Variants in NPAS3 observed in about 807,000 individuals in gnomAD.
The protein encoded by NPAS3 is neuronal PAS domain protein 3.
Under a neutral mutation model 73.1 loss-of-function variants are expected in NPAS3, and 14 were observed. The observed-to-expected ratio is 0.19, with a 90% confidence interval of 0.13 to 0.30. The LOEUF (loss-of-function observed/expected upper bound fraction) is 0.30, where lower values mean the gene tolerates loss of function less well. NPAS3 is among the 10% of genes least tolerant of loss of function. NPAS3 has a pLI of 1.00. For missense variants in NPAS3, 1,096 were observed against 1,250.0 expected (o/e 0.88, Z 1.86); for synonymous variants, 620 against 541.5 (o/e 1.14, Z -2.01).
intron 3 of NPAS3, among the ~76,000 whole-genome samples, chr14:33,276,300 A>G (rs1402779304): frequency 2.0e-5 from 3 of 152,138 alleles, no homozygotes; most frequent in African/African-American, 7.2e-5. Context: ...ACACAGTAAT[A>G]AGAAGGAAGA....
intron 4 of NPAS3, among the ~76,000 whole-genome samples, chr14:33,488,557 G>A (rs528883183): frequency 1.3e-5 from 2 of 152,240 alleles, no homozygotes; most frequent in Admixed American, 6.5e-5. Flanking sequence ...TTTCTTTTCT[G>A]TTAGAATACA....
intron 1 of NPAS3, among the ~76,000 whole-genome samples, chr14:32,965,951 C>T (rs1456118478): frequency 2.0e-5 from 3 of 151,798 alleles, no homozygotes; most frequent in African/African-American, 4.8e-5. Flanking sequence ...AAATCAATCA[C>T]GTTTACAATA....
chr14:33,598,583 C>G (rs144941385), intron 5 of NPAS3, among the ~76,000 whole-genome samples: 18 of 152,306 alleles, frequency 1.2e-4, no homozygotes, highest in African/African-American at 4.3e-4. Flanking sequence ...TCCAAAATTA[C>G]AAACTTGCAT....
At chr14:33,626,259 A>C (rs28520984) in intron 5 of NPAS3, among the ~76,000 whole-genome samples, 6,022 of 152,266 alleles carry the variant, frequency 0.04, 356 homozygotes, top group African/African-American at 0.13. Flanking sequence ...TATTTGCATA[A>C]AATTTACCTT....
intron 2 of NPAS3, among the ~76,000 whole-genome samples, chr14:33,161,796 G>T (rs2044898866): frequency 6.6e-6 from 1 of 152,210 alleles, no homozygotes; most frequent in African/African-American, 2.4e-5. Flanking sequence ...TATTACAAAT[G>T]TTCATAAGTA....
intron 5 of NPAS3, among the ~76,000 whole-genome samples, chr14:33,563,454 G>C (rs1365908677): frequency 1.3e-5 from 2 of 151,538 alleles, no homozygotes; most frequent in African/African-American, 4.9e-5. Context: ...ATGGGAATGA[G>C]TGAATGATGA....
chr14:33,147,182 TATAAAGA>T (rs1359408606), intron 2 of NPAS3, among the ~76,000 whole-genome samples: 2 of 152,192 alleles, frequency 1.3e-5, no homozygotes, highest in Non-Finnish European at 2.9e-5. Flanking sequence ...TTCCACATCC[TATAAAGA>T]ATAAAGAAGC....
At chr14:33,219,630 T>A (rs2047349587) in intron 3 of NPAS3, among the ~76,000 whole-genome samples, 1 of 152,178 alleles carries the variant, frequency 6.6e-6, no homozygotes, top group Admixed American at 6.5e-5. Flanking sequence ...AAGTAGGAGA[T>A]GTTTCTGAGA....
At chr14:33,011,790 C>G (rs150333644) in intron 1 of NPAS3, among the ~76,000 whole-genome samples, 288 of 152,178 alleles carry the variant, frequency 1.9e-3, no homozygotes, top group African/African-American at 6.7e-3. Context: ...GCCTTTTTCT[C>G]CACTTTGGTG....
chr14:33,130,649 G>A (rs1310183298), intron 2 of NPAS3, among the ~76,000 whole-genome samples: 2 of 152,112 alleles, frequency 1.3e-5, no homozygotes, highest in Non-Finnish European at 2.9e-5. Context: ...GTGAATGGGG[G>A]AAATGCAATT....
intron 4 of NPAS3, among the ~76,000 whole-genome samples, chr14:33,501,488 TCACAACAATAATA>T (rs1234898172): frequency 1.3e-5 from 2 of 151,922 alleles, no homozygotes; most frequent in African/African-American, 4.8e-5. Flanking sequence ...CCACTCTCCT[TCACAACAATAATA>T]CACAACAAAG....
intron 4 of NPAS3, among the ~76,000 whole-genome samples, chr14:33,486,884 T>C (rs1404239106): frequency 6.6e-6 from 1 of 152,216 alleles, no homozygotes; most frequent in African/African-American, 2.4e-5. Context: ...ATCACTTTCC[T>C]GATCCTGTTC....
intron 4 of NPAS3, among the ~76,000 whole-genome samples, chr14:33,422,739 C>T (rs775567307): frequency 6.6e-6 from 1 of 151,834 alleles, no homozygotes; most frequent in Non-Finnish European, 1.5e-5. Flanking sequence ...TATGTTTCTA[C>T]TGTTATCTAA....
chr14:33,113,122 T>G (rs919886964), intron 2 of NPAS3, among the ~76,000 whole-genome samples: 1 of 152,188 alleles, frequency 6.6e-6, no homozygotes, highest in African/African-American at 2.4e-5. Context: ...CTTTGTTCTT[T>G]TGGCTTAGGA....
rs558070656 is a variant in NPAS3 at position 33,531,892 on chromosome 14, G to C, written c.469-28229G>C. Among the ~76,000 whole-genome samples the C allele has an allele frequency of 2.0e-5, 3 of 152,110 alleles. No individual in the cohort carries two copies. In the South Asian group the frequency reaches 6.2e-4, roughly 32 times the overall value. Reference sequence around the variant, plus strand: ...GATAGGTGTGTGCTGGTATCTCATCGTGACTTTAATTTGCATTTTGCAAAT... The same window carrying C: ...GATAGGTGTGTGCTGGTATCTCATCCTGACTTTAATTTGCATTTTGCAAAT... On this transcript the variant is annotated intron_variant, in intron 4 of 11. Transcript: ENST00000356141.
chr14:33,232,430 T>A (rs1307255611), intron 3 of NPAS3, among the ~76,000 whole-genome samples: 1 of 152,186 alleles, frequency 6.6e-6, no homozygotes, highest in Non-Finnish European at 1.5e-5. Flanking sequence ...CTCAATCTGT[T>A]TTTCATAATT....
chr14:33,540,477 TC>T (rs1204250894), intron 4 of NPAS3, among the ~76,000 whole-genome samples: 2 of 152,248 alleles, frequency 1.3e-5, no homozygotes, highest in Admixed American at 6.5e-5. Flanking sequence ...ACAACATTGT[TC>T]CTTCATAACC....
intron 4 of NPAS3, among the ~76,000 whole-genome samples, chr14:33,538,893 A>G (rs1363456321): frequency 1.3e-5 from 2 of 152,208 alleles, no homozygotes; most frequent in Non-Finnish European, 2.9e-5. Context: ...TCTATAATTT[A>G]CAAATCTGTC....
chr14:33,681,563 C>G (rs1009847119), intron 6 of NPAS3, among the ~76,000 whole-genome samples: 5 of 152,156 alleles, frequency 3.3e-5, no homozygotes, highest in African/African-American at 1.2e-4. Context: ...AGTGAGAGAT[C>G]CCCTACTGGG....
Sources: gnomAD v4.1 joint callset for allele counts (sites outside exome capture counted in the v4.1 genomes callset) on GRCh38, gnomAD v4.1.1 for gene constraint, MANE v1.5 for transcripts, NCBI Gene and HGNC (gene_info 2026-07-23, HGNC 2026-07-21) for gene names.